GGT1: variants seen among roughly 807,000 people sequenced by gnomAD.
GGT1 encodes the protein gamma-glutamyltransferase 1, also known as glutathione hydrolase 1 proenzyme.
GGT1 carries 21 observed loss-of-function variants against 56.0 expected under a neutral mutation model. The ratio of observed to expected loss-of-function variants is 0.38; its 90% CI spans 0.27 to 0.54. The LOEUF is 0.54. Among genes scored for constraint, GGT1 ranks in the 20% least tolerant of loss-of-function variants. The pLI is 0.82. For missense variants in GGT1, 466 were observed against 787.0 expected (o/e 0.59, Z 4.88); for synonymous variants, 238 against 342.6 (o/e 0.69, Z 3.37).
Position 24,605,471 on chromosome 22 carries a change from T to A in GGT1, c.-429+1944T>A, listed in dbSNP as rs1484027871. On this transcript the variant is annotated intron_variant, in intron 1 of 15. Transcript: ENST00000400382. ...AATGTGTATTATATATAATATAATA[T>A]TATATAATGTGTATTATATATTATA... Among the ~76,000 whole-genome samples, 308 of 44,658 alleles carry A rather than the reference T, an allele frequency of 6.9e-3. 10 individuals carry two copies. The highest frequency in any genetic ancestry group is 9.6e-3 in the Admixed American group (21 of 2,182). The allele number at this position is 44,658 out of a possible 152,430, so 29.3% of individuals were successfully genotyped here. A position where few individuals can be genotyped will look rare whatever the true frequency, so the allele number is the denominator to read the frequency against.
At chr22:24,596,901 C>T (rs1240619253) in intron 1 of GGT1, among the ~76,000 whole-genome samples, 2 of 108,124 alleles carry the variant, frequency 1.8e-5, no homozygotes, top group South Asian at 3.0e-4. Flanking sequence ...GGTGACAGAG[C>T]GAGACTCTGT....
Position 24,611,592 on chromosome 22 carries a change from AT to A in GGT1, c.164+348del, listed in dbSNP as rs375194598. Among the ~76,000 whole-genome samples the A allele has an allele frequency of 5.5e-5, 8 of 145,030 alleles. No homozygotes were observed. The South Asian group carries it at 8.7e-4, about 16-fold the overall frequency. ...TATCTATCTATCTATCTATCTATCT[AT>A]CTATCTACTATCTATCTATCTATTT... On this transcript the variant is annotated intron_variant, in intron 5 of 15. Coordinates refer to ENST00000400382, the MANE Select transcript of GGT1 (RefSeq NM_001288833.2).
intron 11 of GGT1, chr22:24,624,789 C>T (rs2047648953): frequency 3.2e-6 from 1 of 310,466 alleles, no homozygotes; most frequent in East Asian, 1.7e-4. Flanking sequence ...CTTCTATCTG[C>T]TGCCTCCTTC....
intron 5 of GGT1, among the ~76,000 whole-genome samples, chr22:24,611,539 CTATCATCTATCTATCT>C (rs200583303): frequency 0.2 from 25,979 of 127,562 alleles, 2,487 homozygotes; most frequent in Middle Eastern, 0.31. Context: ...ATCTATCTAT[CTATCATCTATCTATCT>C]ATCTATCTAT....
In GGT1 at chr22:24,627,563, G is replaced by C. The variant is rs775051304; in HGVS notation, c.1152G>C (p.Leu384=). ...YTPDDGGTAH[L]SVVAEDGSAV... ...CGGATGACGGGGGCACTGCTCACCT[G>C]TCTGTCGTCGCAGAGGACGGCAGTG... Residue 384 remains leucine, a synonymous_variant, in exon 12 of 16, where the codon CTG becomes CTC. Transcript: ENST00000400382. The C allele has an allele frequency of 3.7e-6, 6 of 1,611,618 alleles. No homozygotes were observed. In the East Asian group the frequency reaches 1.1e-4, roughly 30 times the overall value.
upstream of GGT1, among the ~76,000 whole-genome samples, chr22:24,590,407 C>T (rs1384507500): frequency 6.6e-6 from 1 of 152,234 alleles, no homozygotes; most frequent in Non-Finnish European, 1.5e-5. Context: ...GTGTGAGCCA[C>T]TCAGCCTTGG....
chr22:24,599,470 A>C (rs2045748054), upstream of GGT1: 2 of 152,100 alleles, frequency 1.3e-5, no homozygotes, highest in South Asian at 4.1e-4. Flanking sequence ...TCAGATTTGC[A>C]TGCCAAGTGC....
At chr22:24,596,812 C>T (rs2045700174) in intron 1 of GGT1, among the ~76,000 whole-genome samples, 1 of 145,094 alleles carries the variant, frequency 6.9e-6, no homozygotes, top group Non-Finnish European at 1.5e-5. Context: ...ACTTGGGAGG[C>T]TGAGACAGGG....
chr22:24,608,577 G>A (rs1490467172), intron 2 of GGT1, among the ~76,000 whole-genome samples: 1 of 152,262 alleles, frequency 6.6e-6, no homozygotes, highest in African/African-American at 2.4e-5. Context: ...GGTGCAGGGG[G>A]CTGTCATGCT....
chr22:24,618,077 G>A (rs149332958), intron 7 of GGT1, among the ~76,000 whole-genome samples: 6,652 of 152,140 alleles, frequency 0.044, 458 homozygotes, highest in African/African-American at 0.15. Flanking sequence ...TTTTTTTTCT[G>A]ATATTGATAC....
At chr22:24,621,185 G>T in intron 9 of GGT1, 115 bp downstream of exon 9, 1 of 1,475,546 alleles carries the variant, frequency 6.8e-7, no homozygotes. Flanking sequence ...AGTTCCTGGT[G>T]GAGGAGGGTC....
In GGT1 at chr22:24,616,654, C is replaced by T. The variant is rs573311745; in HGVS notation, c.382+1527C>T. 9.4e-4 allele frequency among the ~76,000 whole-genome samples: 142 copies of T among 150,376 alleles called. 1 individual carries two copies. Among genetic ancestry groups the T allele is most frequent in the Non-Finnish European group, 1.4e-3 (96 of 67,716 alleles). On this transcript the variant is annotated intron_variant, in intron 7 of 15. Coordinates refer to ENST00000400382, the MANE Select transcript of GGT1 (RefSeq NM_001288833.2). ...CTGCCTCCTGAGTTCACGCCATTCT[C>T]CTGCCTCAGCCTCCCGAATAGCTGG...
chr22:24,595,226 G>A (rs2147186364), intron 1 of GGT1, among the ~76,000 whole-genome samples: 1 of 152,296 alleles, frequency 6.6e-6, no homozygotes, highest in East Asian at 1.9e-4. Context: ...GAGGGAGGGT[G>A]GTGTCTGGGC....
At chr22:24,588,626 C>G in the GGT1 span, 1 of 1,083,682 alleles carries the variant, frequency 9.2e-7, no homozygotes, top group African/African-American at 1.6e-5. Context: ...GGGCCAGCGT[C>G]TCGGGCTATC....
At chr22:24,585,792 TG>T in the GGT1 span, 3 of 1,241,650 alleles carry the variant, frequency 2.4e-6, no homozygotes, top group Admixed American at 5.4e-5. Flanking sequence ...ACTGGATTTC[TG>T]GGGGCCTGTG....
At chr22:24,613,994 G>A (rs2046880540) in intron 5 of GGT1, among the ~76,000 whole-genome samples, 1 of 152,044 alleles carries the variant, frequency 6.6e-6, no homozygotes, top group African/African-American at 2.4e-5. Context: ...AAGCTGCATT[G>A]AGCCAAGACT....
Position 24,606,013 on chromosome 22 carries a change from ATATAT to A in GGT1, c.-428-1934_-428-1930del, listed in dbSNP as rs1177740248. On this transcript the variant is annotated intron_variant, in intron 1 of 15. Coordinates refer to ENST00000400382, the MANE Select transcript of GGT1 (RefSeq NM_001288833.2). ...ATTTATATAATTTATATAATATATC[ATATAT>A]TATATTTATATAATTTATATAATAT... 9.9e-5 allele frequency among the ~76,000 whole-genome samples: 4 copies of A among 40,444 alleles called. 1 individual carries two copies. The highest frequency in any genetic ancestry group is 2.1e-4 in the African/African-American group (2 of 9,576). The allele number at this position is 40,444 out of a possible 152,430, so 26.5% of individuals were successfully genotyped here.
chr22:24,625,283 G>C (rs2047677089), intron 11 of GGT1, among the ~76,000 whole-genome samples: 2 of 152,058 alleles, frequency 1.3e-5, no homozygotes, highest in Admixed American at 1.3e-4. Flanking sequence ...TGTTTTTGTT[G>C]TGTTTTTGTT....
chr22:24,599,415 G>A (rs943726157), upstream of GGT1: 4 of 152,182 alleles, frequency 2.6e-5, no homozygotes, highest in Admixed American at 2.0e-4. Flanking sequence ...GGTAGGACAA[G>A]GGGGGCCTCT....
Sources: allele counts gnomAD v4.1 joint callset (sites outside exome capture counted in the v4.1 genomes callset), GRCh38; gene constraint gnomAD v4.1.1; transcripts MANE v1.5; gene names NCBI Gene and HGNC (gene_info 2026-07-23, HGNC 2026-07-21).